Variants in MUSK observed in about 807,000 individuals in gnomAD.
The protein encoded by MUSK is muscle associated receptor tyrosine kinase.
MUSK carries 55 observed loss-of-function variants against 88.7 expected under a neutral mutation model. The ratio of observed to expected loss-of-function variants is 0.62; its 90% CI spans 0.50 to 0.78. The LOEUF (loss-of-function observed/expected upper bound fraction) is 0.78. Among genes scored for constraint, MUSK ranks in the 30% least tolerant of loss-of-function variants. MUSK has a pLI of 0.00. For synonymous variants in MUSK, 387 were observed against 391.9 expected (o/e 0.99, Z 0.15); for missense variants, 1,015 against 1,074.3 (o/e 0.94, Z 0.77).
At chr9:110,708,098 A>ATCTG (rs1164969906) in intron 5 of MUSK, among the ~76,000 whole-genome samples, 1 of 127,816 alleles carries the variant, frequency 7.8e-6, no homozygotes, top group East Asian at 2.1e-4. Flanking sequence ...ATTCCTATCT[A>ATCTG]TCTATCTATC....
chr9:110,720,523 C>G (rs1042268328), intron 5 of MUSK, among the ~76,000 whole-genome samples: 1 of 151,966 alleles, frequency 6.6e-6, no homozygotes, highest in Admixed American at 6.6e-5. Context: ...AAGTATACAA[C>G]CCTCCTAGAT....
intron 5 of MUSK, among the ~76,000 whole-genome samples, chr9:110,726,489 GAA>G (rs2076885688): frequency 6.6e-6 from 1 of 152,072 alleles, no homozygotes; most frequent in Admixed American, 6.6e-5. Context: ...ACGAGACTCA[GAA>G]TTGACCTGCA....
intron 5 of MUSK, among the ~76,000 whole-genome samples, chr9:110,721,250 C>G (rs545842101): frequency 9.1e-4 from 139 of 152,064 alleles, no homozygotes; most frequent in African/African-American, 3.3e-3. Context: ...AGCAATCAGA[C>G]AAGAGAAAGA....
intron 8 of MUSK, among the ~76,000 whole-genome samples, chr9:110,765,225 C>T (rs12004213): frequency 0.025 from 3,868 of 152,182 alleles, 172 homozygotes; most frequent in African/African-American, 0.088. Context: ...ATTCTCAGCT[C>T]GGAGACACTG....
At chr9:110,780,749 C>A (rs1053630981) in intron 11 of MUSK, among the ~76,000 whole-genome samples, 5 of 152,074 alleles carry the variant, frequency 3.3e-5, no homozygotes, top group African/African-American at 1.2e-4. Context: ...GTAATTTATT[C>A]TTTCTATCTA....
In MUSK at chr9:110,800,343, T is replaced by C. The variant is rs2078072509; in HGVS notation, c.1965T>C (p.Phe655=). 4 of 1,613,550 alleles carry C rather than the reference T, an allele frequency of 2.5e-6. No homozygotes were observed. The South Asian group carries it at 3.3e-5, about 13-fold the overall frequency. ...TCGGGAAGCCAATGTGCCTGCTCTT[T>C]GAATACATGGCCTATGGTGACCTCA... ...CAVGKPMCLL[F]EYMAYGDLNE... is the part of the protein sequence containing the mutation. The change falls in exon 15 of 15, where the codon TTT becomes TTC. Residue 655 remains phenylalanine (F), a synonymous_variant. Transcript: ENST00000374448.
intron 5 of MUSK, among the ~76,000 whole-genome samples, chr9:110,705,800 C>T (rs560559933): frequency 7.4e-4 from 112 of 152,328 alleles, no homozygotes; most frequent in Non-Finnish European, 1.3e-3. Context: ...ACTGTGGAGG[C>T]TCTTCTGGAA....
intron 1 of MUSK, among the ~76,000 whole-genome samples, chr9:110,680,383 C>T (rs28566065): frequency 8.5e-5 from 12 of 141,618 alleles, no homozygotes; most frequent in East Asian, 2.1e-4. Context: ...TTCTTTTTTT[C>T]TTTTTTTTTT....
chr9:110,789,629 A>C (rs1216380635), intron 14 of MUSK, among the ~76,000 whole-genome samples: 3 of 152,130 alleles, frequency 2.0e-5, no homozygotes, highest in Admixed American at 1.3e-4. Context: ...AAATACAAAA[A>C]TTAGCCGGGT....
chr9:110,770,170 G>T (rs10980564), intron 9 of MUSK, among the ~76,000 whole-genome samples: 2 of 150,392 alleles, frequency 1.3e-5, no homozygotes, highest in Admixed American at 6.6e-5. Flanking sequence ...TACGAATTTC[G>T]CAGGTTTTCA....
In MUSK at chr9:110,767,843, G is replaced by A. The variant is rs749815609; in HGVS notation, c.944G>A (p.Gly315Asp). The A allele has an allele frequency of 6.2e-7, 1 of 1,613,956 alleles. No individual in the cohort carries two copies. Residue 315 changes from glycine to aspartate, a missense_variant, in exon 9 of 15, where the codon GGC becomes GAC. By Grantham distance (94) the Gly-to-Asp change is moderately conservative. Transcript: ENST00000374448. ...EWSKPQKDNK[G>D]YCAQYRGEVC... ...AGTAAACCACAGAAAGATAACAAAG[G>A]CTACTGCGCCCAGTACAGAGGGGAG...
At chr9:110,734,705 G>A (rs2077007401) in intron 6 of MUSK, among the ~76,000 whole-genome samples, 1 of 152,046 alleles carries the variant, frequency 6.6e-6, no homozygotes, top group Non-Finnish European at 1.5e-5. Flanking sequence ...CCTGCTAGAG[G>A]CTACTTTGAT....
Position 110,805,781 on chromosome 9 carries a change from G to A in MUSK, c.*4793G>A, listed in dbSNP as rs1032953863. Reference sequence around the variant, plus strand: ...TCTTCTAGGAATAAACTTTTTGGGCGAATCATATCAATCTTCTACTTAACT... The same window carrying A: ...TCTTCTAGGAATAAACTTTTTGGGCAAATCATATCAATCTTCTACTTAACT... On this transcript the variant is annotated 3_prime_UTR_variant, in exon 15 of 15. Transcript: ENST00000374448. 3.3e-5 allele frequency among the ~76,000 whole-genome samples: 5 copies of A among 151,764 alleles called. No individual in the cohort carries two copies. Among genetic ancestry groups the A allele is most frequent in the South Asian group, 2.1e-4 (1 of 4,808 alleles).
intron 7 of MUSK, among the ~76,000 whole-genome samples, chr9:110,753,185 C>G (rs934283710): frequency 6.6e-6 from 1 of 152,176 alleles, no homozygotes; most frequent in Admixed American, 6.5e-5. Flanking sequence ...AACCCCAACA[C>G]TTTGGGAGTC....
chr9:110,713,971 T>TA (rs1438109741), intron 5 of MUSK, among the ~76,000 whole-genome samples: 1 of 152,188 alleles, frequency 6.6e-6, no homozygotes, highest in Non-Finnish European at 1.5e-5. Flanking sequence ...CCTTCTATAC[T>TA]ATCTTTGCAA....
intron 6 of MUSK, among the ~76,000 whole-genome samples, chr9:110,736,802 C>T (rs1303115443): frequency 2.0e-5 from 3 of 151,980 alleles, no homozygotes; most frequent in African/African-American, 7.2e-5. Flanking sequence ...CTTGTTTCTG[C>T]CAGGGACAAG....
At chr9:110,761,796 G>C (rs1013719437) in intron 7 of MUSK, 8 of 290,690 alleles carry the variant, frequency 2.8e-5, no homozygotes, top group Non-Finnish European at 1.5e-5. Flanking sequence ...GGATGGTCTC[G>C]ATCTCCTGAC....
At chr9:110,689,306 T>C (rs1266479344) in intron 3 of MUSK, among the ~76,000 whole-genome samples, 1 of 117,422 alleles carries the variant, frequency 8.5e-6, no homozygotes, top group Non-Finnish European at 1.6e-5. Context: ...TATATATTTA[T>C]ATTTAAATAT....
intron 11 of MUSK, among the ~76,000 whole-genome samples, chr9:110,780,705 G>T (rs10435861): frequency 9.2e-5 from 14 of 152,172 alleles, no homozygotes. Context: ...GTTGGAAGCA[G>T]GTAGTCTGGT....
Sources: allele counts gnomAD v4.1 joint callset (sites outside exome capture counted in the v4.1 genomes callset), GRCh38; gene constraint gnomAD v4.1.1; transcripts MANE v1.5; gene names NCBI Gene and HGNC (gene_info 2026-07-23, HGNC 2026-07-21).